Variants in MAGI2 observed in about 807,000 individuals in gnomAD.
MAGI2 encodes membrane-associated guanylate kinase, WW and PDZ domain-containing protein 2.
In MAGI2, 35 loss-of-function variants were observed where a neutral mutation model predicts 133.3. That is an observed-to-expected ratio of 0.26 (90% CI 0.20 to 0.35). The LOEUF (loss-of-function observed/expected upper bound fraction) is 0.35, where lower values mean the gene tolerates loss of function less well. MAGI2 is among the 10% of genes least tolerant of loss of function. The pLI is 1.00. For synonymous variants in MAGI2, 729 were observed against 710.6 expected (o/e 1.03, Z -0.41); for missense variants, 1,636 against 1,863.4 (o/e 0.88, Z 2.25).
intron 2 of MAGI2, among the ~76,000 whole-genome samples, chr7:78,766,062 T>C (rs2151309269): frequency 6.6e-6 from 1 of 152,206 alleles, no homozygotes; most frequent in East Asian, 1.9e-4. Context: ...AGCAGTTCCT[T>C]AGCTCGGCAT....
chr7:78,996,073 C>T (rs916996109), intron 2 of MAGI2, among the ~76,000 whole-genome samples: 3 of 152,110 alleles, frequency 2.0e-5, no homozygotes, highest in Admixed American at 6.6e-5. Context: ...AGTTGATGTT[C>T]AGGGAGTTTC....
intron 2 of MAGI2, among the ~76,000 whole-genome samples, chr7:78,733,182 A>T (rs1821530089): frequency 1.3e-5 from 2 of 152,208 alleles, no homozygotes; most frequent in South Asian, 4.1e-4. Context: ...TTAGTAACAC[A>T]AGCAGATTTC....
At chr7:78,924,246 TGA>T (rs1799505548) in intron 2 of MAGI2, among the ~76,000 whole-genome samples, 1 of 152,124 alleles carries the variant, frequency 6.6e-6, no homozygotes, top group East Asian at 1.9e-4. Flanking sequence ...ATAAGAGTGG[TGA>T]GAGAGGGCAA....
intron 2 of MAGI2, among the ~76,000 whole-genome samples, chr7:78,865,309 A>G (rs1021396877): frequency 6.6e-6 from 1 of 152,188 alleles, no homozygotes; most frequent in Non-Finnish European, 1.5e-5. Flanking sequence ...ACTCCTGGCA[A>G]GTGGTAGTGA....
intron 10 of MAGI2, among the ~76,000 whole-genome samples, chr7:78,227,850 T>TTC (rs10630131): frequency 6.9e-6 from 1 of 145,546 alleles, no homozygotes; most frequent in South Asian, 2.2e-4. Context: ...TCTTACTCAG[T>TTC]TGTGTGTGTG....
At chr7:78,373,103 C>T (rs925554088) in intron 6 of MAGI2, among the ~76,000 whole-genome samples, 11 of 152,122 alleles carry the variant, frequency 7.2e-5, no homozygotes, top group South Asian at 2.1e-4. Context: ...AACCACAGTG[C>T]GCATCACTGT....
At chr7:78,731,047 A>G (rs1013796497) in intron 2 of MAGI2, among the ~76,000 whole-genome samples, 2 of 152,154 alleles carry the variant, frequency 1.3e-5, no homozygotes, top group African/African-American at 4.8e-5. Flanking sequence ...TTTCTTAAAA[A>G]AAAAAGCTCC....
intron 17 of MAGI2, chr7:78,134,107 A>G (rs1821849373): frequency 6.6e-6 from 1 of 152,190 alleles, no homozygotes; most frequent in Non-Finnish European, 1.5e-5. Context: ...CACCTCAATC[A>G]AGACAGTCAA....
intron 3 of MAGI2, among the ~76,000 whole-genome samples, chr7:78,600,091 G>T (rs1805032333): frequency 6.6e-6 from 1 of 151,924 alleles, no homozygotes; most frequent in African/African-American, 2.4e-5. Flanking sequence ...CAATAAAATT[G>T]GATACCTTTT....
intron 1 of MAGI2, among the ~76,000 whole-genome samples, chr7:79,300,144 A>G (rs1347326841): frequency 6.6e-6 from 1 of 152,188 alleles, no homozygotes; most frequent in Non-Finnish European, 1.5e-5. Context: ...CTATAAAGTT[A>G]CCTGAAAATG....
intron 2 of MAGI2, among the ~76,000 whole-genome samples, chr7:78,859,456 A>G (rs1337443002): frequency 1.3e-5 from 2 of 151,996 alleles, no homozygotes; most frequent in Non-Finnish European, 2.9e-5. Flanking sequence ...ATCTCTCAGC[A>G]TTTGTTCGTC....
intron 20 of MAGI2, among the ~76,000 whole-genome samples, chr7:78,085,939 T>A (rs1343470447): frequency 6.6e-6 from 1 of 151,984 alleles, no homozygotes; most frequent in Non-Finnish European, 1.5e-5. Flanking sequence ...TGGACATTCA[T>A]AACGGGGAGC....
chr7:78,580,929 A>T (rs1802770092), intron 3 of MAGI2, among the ~76,000 whole-genome samples: 1 of 152,168 alleles, frequency 6.6e-6, no homozygotes, highest in Admixed American at 6.5e-5. Context: ...TGACATCACA[A>T]ATGCAGATGA....
At chr7:78,366,475 G>A (rs1414190879) in intron 7 of MAGI2, among the ~76,000 whole-genome samples, 1 of 152,062 alleles carries the variant, frequency 6.6e-6, no homozygotes, top group East Asian at 1.9e-4. Flanking sequence ...GTTTACATAT[G>A]TATTCTTATA....
intron 1 of MAGI2, among the ~76,000 whole-genome samples, chr7:79,330,262 C>T (rs1416724392): frequency 5.7e-5 from 8 of 140,420 alleles, no homozygotes; most frequent in Non-Finnish European, 1.1e-4. Flanking sequence ...GGTGCGATCT[C>T]GGCTCACTGC....
chr7:78,953,369 G>T (rs1802026791), intron 2 of MAGI2, among the ~76,000 whole-genome samples: 1 of 152,142 alleles, frequency 6.6e-6, no homozygotes, highest in African/African-American at 2.4e-5. Flanking sequence ...TGTAAATCAA[G>T]TGTTGCTCCA....
At chr7:78,592,826 CTCTTTT>C (rs1394315076) in intron 3 of MAGI2, among the ~76,000 whole-genome samples, 99 of 77,074 alleles carry the variant, frequency 1.3e-3, no homozygotes, top group Middle Eastern at 8.5e-3. Context: ...ATTACTGATT[CTCTTTT>C]TTTTTTTTTT....
intron 1 of MAGI2, among the ~76,000 whole-genome samples, chr7:79,185,463 G>T (rs542656010): frequency 2.1e-4 from 31 of 150,606 alleles, no homozygotes; most frequent in African/African-American, 7.3e-4. Flanking sequence ...ACTGCCACAA[G>T]CTCCAGCTTT....
At chr7:79,180,930 A>G (rs1013073378) in intron 1 of MAGI2, among the ~76,000 whole-genome samples, 1 of 151,978 alleles carries the variant, frequency 6.6e-6, no homozygotes, top group African/African-American at 2.4e-5. Context: ...CAAATCTTTA[A>G]GCTCTAAAAT....
Sources: gnomAD v4.1 joint callset for allele counts (sites outside exome capture counted in the v4.1 genomes callset) on GRCh38, gnomAD v4.1.1 for gene constraint, MANE v1.5 for transcripts, NCBI Gene and HGNC (gene_info 2026-07-23, HGNC 2026-07-21) for gene names.